The following LDAH variants were observed in gnomAD, a reference collection of about 807,000 sequenced individuals.
The protein encoded by LDAH is lipid droplet associated hydrolase.
LDAH carries 26 observed loss-of-function variants against 29.6 expected under a neutral mutation model. The observed-to-expected ratio is 0.88, with a 90% confidence interval of 0.64 to 1.22. LDAH has a LOEUF of 1.22. Ranked by LOEUF, LDAH falls within the 50% of genes most tolerant of loss-of-function variation. LDAH has a pLI of 0.00. For synonymous variants in LDAH, 117 were observed against 133.0 expected, an observed-to-expected ratio of 0.88 and a Z score of 0.83; for missense variants, 344 against 387.3, an observed-to-expected ratio of 0.89 and a Z score of 0.94.
chr2:20,735,661 T>C (rs1666722449), intron 5 of LDAH, among the ~76,000 whole-genome samples: 1 of 152,122 alleles, frequency 6.6e-6, no homozygotes, highest in Admixed American at 6.6e-5. Flanking sequence ...AACTAAAACA[T>C]GGACAGTTTG....
intron 2 of LDAH, 45 bp from the exon 3 acceptor site, chr2:20,790,443 A>G: frequency 6.4e-7 from 1 of 1,555,622 alleles, no homozygotes. Context: ...AGTAATAAAC[A>G]GGCATAAGAT....
rs753186484 is a variant in LDAH at position 20,790,335 on chromosome 2, C to G, written c.218G>C (p.Arg73Thr). 6.2e-7 allele frequency: 1 copy of G among 1,614,140 alleles called. No individual in the cohort carries two copies. The highest frequency in any genetic ancestry group is 1.7e-5 in the Admixed American group (1 of 60,026). The change falls in exon 3 of 7, where the codon AGA becomes ACA. Residue 73 changes from arginine to threonine, a missense_variant. Coordinates refer to ENST00000237822, the MANE Select transcript of LDAH (RefSeq NM_021925.4). ...ACTGATAGTCCAAACTGGAAAGCGT[C>G]TGTTTGTCAAAGAGTATAAAGCCTT... ...FAKALYSLTN[R>T]RFPVWTISHA... is the part of the protein sequence containing the mutation.
At chr2:20,818,381 T>C (rs1482475827) in intron 1 of LDAH, among the ~76,000 whole-genome samples, 6 of 152,166 alleles carry the variant, frequency 3.9e-5, no homozygotes, top group African/African-American at 9.6e-5. Flanking sequence ...CATAGCCCTA[T>C]ATAAACTTGA....
chr2:20,809,289 C>T lies in LDAH; in HGVS notation c.-2-7824G>A, dbSNP rs568980621. On this transcript the variant is annotated intron_variant, in intron 1 of 6. Transcript: ENST00000237822. ...TGGCGCGTGCCTGTAATCCCAGCTA[C>T]TCAGGAGGCTGAGGCAGAAGAATTA... is the stretch of plus-strand genomic sequence containing the variant. 6.6e-5 allele frequency among the ~76,000 whole-genome samples: 10 copies of T among 151,990 alleles called. No individual in the cohort carries two copies. In the East Asian group the frequency reaches 1.9e-3, roughly 29 times the overall value.
intron 3 of LDAH, among the ~76,000 whole-genome samples, chr2:20,783,861 G>A (rs1670371794): frequency 6.6e-6 from 1 of 152,130 alleles, no homozygotes; most frequent in Non-Finnish European, 1.5e-5. Context: ...ACAGGTGCGT[G>A]CCAGCACGCC....
chr2:20,735,642 G>A lies in LDAH; in HGVS notation c.703+4329C>T, dbSNP rs1666721663. Among the ~76,000 whole-genome samples the A allele has an allele frequency of 2.0e-5, 3 of 152,016 alleles. No homozygotes were observed. In the South Asian group the frequency reaches 6.2e-4, roughly 32 times the overall value. ...GTCAAGTTGAGATTTTGTTAGACAA[G>A]TGATTTGCAACTAAAACATGGACAG... On this transcript the variant is annotated intron_variant, in intron 5 of 6. Transcript: ENST00000237822.
intron 3 of LDAH, among the ~76,000 whole-genome samples, chr2:20,778,245 ACCTGAG>A (rs1669949930): frequency 6.6e-6 from 1 of 152,202 alleles, no homozygotes; most frequent in Admixed American, 6.5e-5. Context: ...TTCTCTTAGA[ACCTGAG>A]CCTATTTCTT....
chr2:20,685,491 T>C lies in LDAH; in HGVS notation c.*1412A>G. 1 of 1,533,424 alleles carries C rather than the reference T, an allele frequency of 6.5e-7. No individual in the cohort carries two copies. The highest frequency in any genetic ancestry group is 1.2e-5 in the South Asian group (1 of 81,250). 95.0% of individuals were successfully genotyped at this position (1,533,424 alleles called of 1,614,324 possible). A position where few individuals can be genotyped will look rare whatever the true frequency, so the allele number is the denominator to read the frequency against. ...AGCTTGGCTTTTCCCCTCTGAGAAG[T>C]CACTTGCTGTGATGTAGAAGCTATG... On this transcript the variant is annotated 3_prime_UTR_variant, in exon 7 of 7. Transcript: ENST00000237822.
intron 5 of LDAH, among the ~76,000 whole-genome samples, chr2:20,726,219 G>A (rs540948957): frequency 6.6e-6 from 1 of 152,328 alleles, no homozygotes; most frequent in South Asian, 2.1e-4. Context: ...CATATCCAGG[G>A]CTTGCCTGAG....
intron 1 of LDAH, among the ~76,000 whole-genome samples, chr2:20,811,012 C>T (rs922965699): frequency 5.5e-4 from 83 of 151,486 alleles, no homozygotes; most frequent in Middle Eastern, 3.4e-3. Flanking sequence ...AAAAGGTATT[C>T]GACCTTCTTT....
chr2:20,705,208 C>T (rs1664217097), intron 5 of LDAH, among the ~76,000 whole-genome samples: 1 of 152,202 alleles, frequency 6.6e-6, no homozygotes, highest in Non-Finnish European at 1.5e-5. Flanking sequence ...GGGGCTTACC[C>T]TCAAGTTTAT....
chr2:20,806,787 G>A (rs535908974), intron 1 of LDAH, among the ~76,000 whole-genome samples: 26 of 151,690 alleles, frequency 1.7e-4, no homozygotes, highest in African/African-American at 6.3e-4. Flanking sequence ...TGCAGATAAA[G>A]ATACGAATGC....
intron 1 of LDAH, among the ~76,000 whole-genome samples, chr2:20,806,061 C>A (rs1275246144): frequency 6.6e-6 from 1 of 152,028 alleles, no homozygotes; most frequent in Non-Finnish European, 1.5e-5. Flanking sequence ...CTGCTTTATT[C>A]ATGTAAGAAC....
In LDAH at chr2:20,738,656, G is replaced by C. The variant is rs1019626426; in HGVS notation, c.703+1315C>G. On this transcript the variant is annotated intron_variant, in intron 5 of 6. Transcript: ENST00000237822. Reference sequence around the variant, plus strand: ...AACATCAACCTCTGGCAATTTCTATGACTGTCCTTAGCCCTTGCTTTCCCT... The same window carrying C: ...AACATCAACCTCTGGCAATTTCTATCACTGTCCTTAGCCCTTGCTTTCCCT... Among the ~76,000 whole-genome samples, 4 of 152,060 alleles carry C rather than the reference G, an allele frequency of 2.6e-5. No homozygotes were observed. In the South Asian group the frequency reaches 8.3e-4, roughly 32 times the overall value.
chr2:20,703,918 TC>T (rs1164995328), intron 5 of LDAH, among the ~76,000 whole-genome samples: 5 of 152,232 alleles, frequency 3.3e-5, no homozygotes, highest in Non-Finnish European at 7.3e-5. Flanking sequence ...GAAACACTAT[TC>T]TTGAGCTTAT....
In LDAH at chr2:20,684,753, C is replaced by G. The variant is rs150831223; in HGVS notation, c.*2150G>C. The G allele has an allele frequency of 8.7e-6, 9 of 1,039,126 alleles. No homozygotes were observed. Among genetic ancestry groups the G allele is most frequent in the Middle Eastern group, 2.1e-4 (1 of 4,806 alleles). The allele number at this position is 1,039,126 out of a possible 1,614,324, so 64.4% of individuals were successfully genotyped here. Reference sequence around the variant, plus strand: ...GGTCAAAGCTCAATCGCTGAGCACTCGGTAACTCTGCAGGAAGTTAAAACT... The same window carrying G: ...GGTCAAAGCTCAATCGCTGAGCACTGGGTAACTCTGCAGGAAGTTAAAACT... On this transcript the variant is annotated 3_prime_UTR_variant, in exon 7 of 7. Coordinates refer to ENST00000237822, the MANE Select transcript of LDAH (RefSeq NM_021925.4).
At chr2:20,773,463 C>T (rs143140968) in intron 4 of LDAH, among the ~76,000 whole-genome samples, 41 of 151,980 alleles carry the variant, frequency 2.7e-4, no homozygotes, top group African/African-American at 8.7e-4. Flanking sequence ...GAGGAGACTT[C>T]GAAGGCACAA....
At position 20,756,301 on chromosome 2, in the gene LDAH, C is replaced by T. The variant is rs186954139; in HGVS notation, c.469-16096G>A. Among the ~76,000 whole-genome samples, 4 of 152,248 alleles carry T rather than the reference C, an allele frequency of 2.6e-5. No individual in the cohort carries two copies. The East Asian group carries it at 7.7e-4, about 29-fold the overall frequency. ...CCACCCACCTCGGCCTTCCAAAGTG[C>T]TGGGATTACAGGTGAGAGCCACCGT... On this transcript the variant is annotated intron_variant, in intron 4 of 6. Transcript: ENST00000237822.
At chr2:20,793,536 A>G (rs1378855207) in intron 2 of LDAH, among the ~76,000 whole-genome samples, 2 of 152,188 alleles carry the variant, frequency 1.3e-5, no homozygotes, top group African/African-American at 4.8e-5. Flanking sequence ...GCTAAAGCAT[A>G]ACAAGAGATA....
Sources: allele counts gnomAD v4.1 joint callset (sites outside exome capture counted in the v4.1 genomes callset), GRCh38; gene constraint gnomAD v4.1.1; transcripts MANE v1.5; gene names NCBI Gene and HGNC (gene_info 2026-07-23, HGNC 2026-07-21).